Variants in RET observed in about 807,000 individuals in gnomAD.
RET encodes proto-oncogene tyrosine-protein kinase receptor Ret.
A neutral mutation model predicts 118.3 loss-of-function variants in RET; 19 were observed. The observed-to-expected ratio is 0.16, with a 90% CI of 0.11 to 0.24. The LOEUF is 0.24. Ranked by LOEUF, RET falls within the 10% of genes least tolerant of loss-of-function variation. The probability of loss-of-function intolerance (pLI) is 1.00; values close to 1 mark genes in which losing one functional copy is unlikely to be tolerated. For missense variants in RET, 1,219 were observed against 1,502.1 expected (o/e 0.81, Z 3.12); for synonymous variants, 597 against 644.1 (o/e 0.93, Z 1.11).
chr10:43,119,589 C>T lies in RET; in HGVS notation c.2451C>T (p.Arg817=), dbSNP rs747894751. 9 of 1,611,790 alleles carry T rather than the reference C, an allele frequency of 5.6e-6. No individual in the cohort carries two copies. The highest frequency in any genetic ancestry group is 2.2e-5 in the South Asian group (2 of 91,034). The change falls in exon 14 of 20, where the codon CGC becomes CGT. Residue 817 remains arginine (R), a synonymous_variant. Coordinates refer to ENST00000355710, the MANE Select transcript of RET (RefSeq NM_020975.6). ...ACGGCTCCCTGCGGGGCTTCCTCCG[C>T]GAGAGCCGCAAAGTGGGGCCTGGCT... is the stretch of plus-strand genomic sequence containing the variant. The part of the protein sequence containing the change: ...AKYGSLRGFL[R]ESRKVGPGYL...
chr10:43,085,994 C>A (rs2078212962), intron 1 of RET, among the ~76,000 whole-genome samples: 2 of 152,192 alleles, frequency 1.3e-5, no homozygotes, highest in African/African-American at 4.8e-5. Context: ...AAGAGCAGAC[C>A]CTCAAGCCTT....
chr10:43,077,114 G>A lies in RET; in HGVS notation c.-145G>A. 1.7e-6 allele frequency: 2 copies of A among 1,194,546 alleles called. No homozygotes were observed. The highest frequency in any genetic ancestry group is 2.1e-6 in the Non-Finnish European group (2 of 933,618). The allele number at this position is 1,194,546 out of a possible 1,614,324, so 74.0% of individuals were successfully genotyped here. On this transcript the variant is annotated 5_prime_UTR_variant, in exon 1 of 20. Transcript: ENST00000355710. ...GCGCGCAGCAGCGCTGAGTGCCCCG[G>A]AACGTGCGTCGCGCCCCCAGTGTCC...
At position 43,114,425 on chromosome 10, in the gene RET, C is replaced by A. The variant is rs2132841564; in HGVS notation, c.1880-55C>A. ...TGAGGCAGAGCATACGCAGCCTGTA[C>A]CCAGTGGTGCCGAGCCTCTGGCGGT... On this transcript the variant is annotated intron_variant, in intron 10 of 19. Coordinates refer to ENST00000355710, the MANE Select transcript of RET (RefSeq NM_020975.6). The surrounding 1 kb of genome is among the most constrained non-coding windows in gnomAD (Gnocchi z 4.6). 1.3e-6 allele frequency: 2 copies of A among 1,599,374 alleles called. No individual in the cohort carries two copies. The highest frequency in any genetic ancestry group is 2.2e-5 in the South Asian group (2 of 90,770).
intron 3 of RET, 100 bp from the exon 4 acceptor site, chr10:43,104,852 T>G (rs2132701153): frequency 6.7e-7 from 1 of 1,498,358 alleles, no homozygotes; most frequent in African/African-American, 1.4e-5. Flanking sequence ...GCCGCGGCGG[T>G]GTGCGCCCCG....
At chr10:43,109,859 C>T (rs1251597802) in intron 6 of RET, among the ~76,000 whole-genome samples, 3 of 152,220 alleles carry the variant, frequency 2.0e-5, no homozygotes, top group African/African-American at 7.2e-5. Flanking sequence ...GCCAGTGTTG[C>T]ACATCGTGGT....
At chr10:43,113,753 A>G in intron 10 of RET, 78 bp downstream of exon 10, 1 of 1,583,534 alleles carries the variant, frequency 6.3e-7, no homozygotes, top group Non-Finnish European at 8.6e-7. Context: ...GGTCCCAACA[A>G]GGGAGGAAAT....
At chr10:43,087,603 G>A (rs1010025084) in intron 1 of RET, among the ~76,000 whole-genome samples, 5 of 152,314 alleles carry the variant, frequency 3.3e-5, no homozygotes, top group East Asian at 1.9e-4. Flanking sequence ...CAATTAGGCC[G>A]AGGAACCAGG....
In RET at chr10:43,123,227, T is replaced by C. The variant is rs537573793; in HGVS notation, c.2802-444T>C. Reference sequence around the variant, plus strand: ...AGCTTTTTTTCCTTCTAAGATTTTATGAAATTTTCCAAGCACATAGAAATG... The same window carrying C: ...AGCTTTTTTTCCTTCTAAGATTTTACGAAATTTTCCAAGCACATAGAAATG... On this transcript the variant is annotated intron_variant, in intron 16 of 19. Coordinates refer to ENST00000355710, the MANE Select transcript of RET (RefSeq NM_020975.6). Among the ~76,000 whole-genome samples the C allele has an allele frequency of 2.0e-5, 3 of 152,318 alleles. No homozygotes were observed. The East Asian group carries it at 5.8e-4, about 29-fold the overall frequency.
rs559801300 is a variant in RET, at chr10:43,112,711, G to A, written c.1649-142G>A. The A allele has an allele frequency of 7.8e-5, 56 of 717,024 alleles. 1 individual carries two copies. The highest frequency in any genetic ancestry group is 2.4e-4 in the South Asian group (16 of 66,518). 44.4% of individuals were successfully genotyped at this position (717,024 alleles called of 1,614,324 possible). On this transcript the variant is annotated intron_variant, in intron 8 of 19. Coordinates refer to ENST00000355710, the MANE Select transcript of RET (RefSeq NM_020975.6). ...AGCCATGGCTCCCCAGGATGCTTCC[G>A]CTGGCAAGGCTCTGTATATGGTGTT...
intron 3 of RET, among the ~76,000 whole-genome samples, chr10:43,102,992 C>T (rs1239881347): frequency 6.8e-6 from 1 of 147,134 alleles, no homozygotes; most frequent in African/African-American, 2.5e-5. Flanking sequence ...CTCCATTCCT[C>T]TATCGTAAAT....
chr10:43,094,337 C>A (rs748939565), intron 1 of RET, among the ~76,000 whole-genome samples: 3 of 152,190 alleles, frequency 2.0e-5, no homozygotes, highest in South Asian at 2.1e-4. Flanking sequence ...TCGTCTGCCA[C>A]CCATCAAGGG....
rs2133048713 is a variant in RET, at chr10:43,128,181, G to A, written c.3257G>A (p.Gly1086Glu). 6.2e-7 allele frequency: 1 copy of A among 1,614,122 alleles called. No homozygotes were observed. The highest frequency in any genetic ancestry group is 8.5e-7 in the Non-Finnish European group (1 of 1,180,026). Residue 1086 changes from glycine (G) to glutamate (E), a missense_variant, in exon 20 of 20, where the codon GGG becomes GAG. By Grantham distance (98) the Gly-to-Glu change is moderately conservative (BLOSUM62 -2). Around this residue, in one of 5 missense-constraint regions of RET, gnomAD observed 174 missense variants for 179.3 expected, o/e 0.97. Coordinates refer to ENST00000355710, the MANE Select transcript of RET (RefSeq NM_020975.6). ...ACGAGAGCTGATGGCACTAACACTG[G>A]GTTTCCAAGATATCCAAATGATAGT... Reference protein sequence around the residue: ...PLTRADGTNTGFPRYPNDSVY... With the variant: ...PLTRADGTNTEFPRYPNDSVY...
In RET at chr10:43,077,289, C is replaced by G. The variant is rs587780812; in HGVS notation, c.31C>G (p.Leu11Val). 1 of 1,509,716 alleles carries G rather than the reference C, an allele frequency of 6.6e-7. No individual in the cohort carries two copies. Among genetic ancestry groups the G allele is most frequent in the Admixed American group, 2.1e-5 (1 of 48,504 alleles). 93.5% of individuals were successfully genotyped at this position (1,509,716 alleles called of 1,614,324 possible). The stretch of plus-strand genomic sequence containing the variant: ...GAAGGCGACGTCCGGTGCCGCGGGG[C>G]TGCGTCTGCTGTTGCTGCTGCTGCT... Reference protein sequence around the residue: MAKATSGAAGLRLLLLLLLPL... With the variant: MAKATSGAAGVRLLLLLLLPL... Residue 11 changes from leucine (L) to valine (V), a missense_variant, in exon 1 of 20, where the codon CTG becomes GTG. Physicochemically the swap from Leu to Val is conservative, Grantham distance 32. Transcript: ENST00000355710.
rs761410293 is a variant in RET, at chr10:43,124,989, G to A, written c.3039+7G>A. The A allele has an allele frequency of 6.2e-7, 1 of 1,613,756 alleles. No homozygotes were observed. The highest frequency in any genetic ancestry group is 8.5e-7 in the Non-Finnish European group (1 of 1,179,680). ...GATGATGGTTAAGAGGAGAGTGAGT[G>A]CCTGGGTCCAATTCCCACAAGCTGA... On this transcript the variant is annotated splice_region_variant and intron_variant, in intron 18 of 19. Coordinates refer to ENST00000355710, the MANE Select transcript of RET (RefSeq NM_020975.6).
At chr10:43,094,395 C>T (rs1048167241) in intron 1 of RET, among the ~76,000 whole-genome samples, 5 of 151,316 alleles carry the variant, frequency 3.3e-5, no homozygotes, top group African/African-American at 9.7e-5. Flanking sequence ...GAAGGGCCTG[C>T]TCTACACACA....
intron 1 of RET, among the ~76,000 whole-genome samples, chr10:43,099,274 C>A (rs1390832095): frequency 6.6e-6 from 1 of 152,152 alleles, no homozygotes. Flanking sequence ...CTTTGGGAGG[C>A]AGAGGCGGGC....
chr10:43,092,439 T>C (rs1337508350), intron 1 of RET, among the ~76,000 whole-genome samples: 2 of 152,270 alleles, frequency 1.3e-5, no homozygotes, highest in Non-Finnish European at 2.9e-5. Flanking sequence ...ATTGTACACT[T>C]AAAAATTTTA....
chr10:43,107,601 A>ACACACACACC (rs1751327608), intron 5 of RET, among the ~76,000 whole-genome samples: 1 of 136,126 alleles, frequency 7.3e-6, no homozygotes, highest in Non-Finnish European at 1.6e-5. Context: ...ACACACACAC[A>ACACACACACC]CCCTGTTACC....
intron 11 of RET, among the ~76,000 whole-genome samples, chr10:43,115,864 C>T (rs926033442): frequency 2.0e-5 from 3 of 152,254 alleles, no homozygotes; most frequent in African/African-American, 7.2e-5. Context: ...AGTGTCGACA[C>T]TGACCTTGAC....
Sources: allele counts gnomAD v4.1 joint callset (sites outside exome capture counted in the v4.1 genomes callset), GRCh38; gene constraint gnomAD v4.1.1; regional missense constraint gnomAD v4.1.1; non-coding constraint Gnocchi (gnomAD v3.1); transcripts MANE v1.5; gene names NCBI Gene and HGNC (gene_info 2026-07-23, HGNC 2026-07-21).